The following DLGAP2 variants were observed in gnomAD, a reference collection of about 807,000 sequenced individuals.
DLGAP2 encodes DLG associated protein 2.
In DLGAP2, 26 loss-of-function variants were observed where a neutral mutation model predicts 100.3. The ratio of observed to expected loss-of-function variants is 0.26; its 90% CI spans 0.19 to 0.36. The LOEUF (loss-of-function observed/expected upper bound fraction) is 0.36, where lower values mean the gene tolerates loss of function less well. Ranked by LOEUF, DLGAP2 falls within the 10% of genes least tolerant of loss-of-function variation. The pLI is 1.00. For missense variants in DLGAP2, 1,858 were observed against 1,453.2 expected, an observed-to-expected ratio of 1.28 and a Z score of -4.53; for synonymous variants, 886 against 630.1, an observed-to-expected ratio of 1.41 and a Z score of -6.08.
chr8:804,933 T>A (rs1397095669), intron 1 of DLGAP2, among the ~76,000 whole-genome samples: 3 of 149,498 alleles, frequency 2.0e-5, no homozygotes, highest in African/African-American at 5.0e-5. Context: ...CCTGGCTAAT[T>A]TTTTTTGTTT....
intron 12 of DLGAP2, among the ~76,000 whole-genome samples, chr8:1,679,791 G>C (rs891623268): frequency 3.9e-5 from 6 of 152,106 alleles, no homozygotes; most frequent in African/African-American, 7.2e-5. Flanking sequence ...AGATCAGCCT[G>C]GCCAACATGG....
chr8:1,545,874 A>G (rs1801517886), intron 4 of DLGAP2, among the ~76,000 whole-genome samples: 1 of 152,224 alleles, frequency 6.6e-6, no homozygotes, highest in South Asian at 2.1e-4. Flanking sequence ...AACATTAGGC[A>G]GAAGTAGGAT....
intron 2 of DLGAP2, among the ~76,000 whole-genome samples, chr8:1,219,425 A>G (rs779945216): frequency 1.3e-5 from 2 of 152,160 alleles, no homozygotes; most frequent in Non-Finnish European, 2.9e-5. Flanking sequence ...ACATTTATTT[A>G]TGTTTGTTAA....
At chr8:755,173 G>A (rs1044915475) in intron 1 of DLGAP2, among the ~76,000 whole-genome samples, 1 of 152,174 alleles carries the variant, frequency 6.6e-6, no homozygotes, top group African/African-American at 2.4e-5. Flanking sequence ...TTTAGAGTCT[G>A]TGGAGGGAGA....
intron 6 of DLGAP2, among the ~76,000 whole-genome samples, chr8:1,593,303 C>T (rs948841255): frequency 6.6e-6 from 1 of 151,664 alleles, no homozygotes; most frequent in African/African-American, 2.4e-5. Context: ...AAATACAAAA[C>T]AATTAGCTGG....
At chr8:899,781 C>T (rs1422522517) in intron 1 of DLGAP2, among the ~76,000 whole-genome samples, 1 of 152,164 alleles carries the variant, frequency 6.6e-6, no homozygotes, top group African/African-American at 2.4e-5. Flanking sequence ...CACTCTAAAG[C>T]GTGTATTCAC....
chr8:1,346,326 G>C (rs536894085), intron 3 of DLGAP2, among the ~76,000 whole-genome samples: 2 of 150,084 alleles, frequency 1.3e-5, no homozygotes, highest in Middle Eastern at 6.5e-3. Flanking sequence ...TGGAGGTTGC[G>C]TTCCCATACA....
intron 2 of DLGAP2, among the ~76,000 whole-genome samples, chr8:1,256,527 C>T (rs1383196717): frequency 5.2e-5 from 7 of 135,222 alleles, no homozygotes; most frequent in Non-Finnish European, 7.6e-5. Flanking sequence ...GTGTGCCCGT[C>T]TCATCCTGCC....
At chr8:932,818 T>TA (rs772746314) in intron 2 of DLGAP2, among the ~76,000 whole-genome samples, 3,098 of 150,932 alleles carry the variant, frequency 0.021, 43 homozygotes, top group Non-Finnish European at 0.033. Flanking sequence ...AATGAAAAAT[T>TA]AAAAAAAAAA....
intron 1 of DLGAP2, among the ~76,000 whole-genome samples, chr8:897,474 T>C (rs1237741386): frequency 6.6e-6 from 1 of 152,250 alleles, no homozygotes; most frequent in East Asian, 1.9e-4. Flanking sequence ...TTCCTCACAG[T>C]TGTAAAAATT....
intron 1 of DLGAP2, among the ~76,000 whole-genome samples, chr8:763,227 C>G (rs1331610691): frequency 1.3e-5 from 2 of 152,188 alleles, no homozygotes; most frequent in African/African-American, 4.8e-5. Flanking sequence ...GGGATGAGGA[C>G]TGGGGTTAAC....
intron 1 of DLGAP2, among the ~76,000 whole-genome samples, chr8:889,726 T>C (rs1183735240): frequency 6.6e-6 from 1 of 152,224 alleles, no homozygotes; most frequent in Non-Finnish European, 1.5e-5. Flanking sequence ...CAGTGCTGGC[T>C]GCTGCCCCTC....
chr8:1,670,897 T>TTCC (rs1798674484), intron 10 of DLGAP2, among the ~76,000 whole-genome samples: 1 of 152,158 alleles, frequency 6.6e-6, no homozygotes, highest in Non-Finnish European at 1.5e-5. Context: ...GAAAGACGGG[T>TTCC]TCCTTCTTTC....
At chr8:1,204,081 G>A (rs888531594) in intron 2 of DLGAP2, among the ~76,000 whole-genome samples, 3 of 152,232 alleles carry the variant, frequency 2.0e-5, no homozygotes, top group South Asian at 2.1e-4. Flanking sequence ...CTGACTCATG[G>A]GTCTGGAGCG....
intron 2 of DLGAP2, among the ~76,000 whole-genome samples, chr8:1,039,763 G>A (rs528069449): frequency 7.1e-5 from 10 of 141,048 alleles, no homozygotes; most frequent in African/African-American, 1.3e-4. Context: ...TAGTCGGCTC[G>A]GTGTGTGTGG....
chr8:804,601 C>T (rs1796231187), intron 1 of DLGAP2, among the ~76,000 whole-genome samples: 1 of 152,164 alleles, frequency 6.6e-6, no homozygotes, highest in South Asian at 2.1e-4. Context: ...GGCTAAGCTG[C>T]CTGTACTTTA....
intron 3 of DLGAP2, among the ~76,000 whole-genome samples, chr8:1,440,978 C>T (rs563704606): frequency 6.6e-6 from 1 of 152,298 alleles, no homozygotes; most frequent in East Asian, 1.9e-4. Context: ...ATGAAACCCT[C>T]CCAGCACGGG....
intron 2 of DLGAP2, among the ~76,000 whole-genome samples, chr8:1,156,103 C>T (rs941928806): frequency 2.6e-5 from 4 of 152,172 alleles, no homozygotes; most frequent in African/African-American, 9.6e-5. Flanking sequence ...CAGCCGAGCC[C>T]TGTTTCAGGG....
At chr8:1,315,197 C>T (rs182751721) in intron 3 of DLGAP2, among the ~76,000 whole-genome samples, 7 of 152,328 alleles carry the variant, frequency 4.6e-5, no homozygotes, top group African/African-American at 1.4e-4. Flanking sequence ...TCAAGAAACT[C>T]GGCAGCTTTT....
Sources: allele counts gnomAD v4.1 joint callset (sites outside exome capture counted in the v4.1 genomes callset), GRCh38; gene constraint gnomAD v4.1.1; transcripts MANE v1.5; gene names NCBI Gene and HGNC (gene_info 2026-07-23, HGNC 2026-07-21).